RAD51AP1: variants seen among roughly 807,000 people sequenced by gnomAD.
RAD51AP1 encodes RAD51 associated protein 1, also known as RAD51-associated protein 1.
RAD51AP1 carries 14 observed loss-of-function variants against 34.3 expected under a neutral mutation model. The ratio of observed to expected loss-of-function variants is 0.41; its 90% CI spans 0.27 to 0.64. The LOEUF is 0.64. Among genes scored for constraint, RAD51AP1 ranks in the 30% least tolerant of loss-of-function variants. The pLI, the probability that RAD51AP1 is intolerant of heterozygous loss-of-function variation, is 0.33. For missense variants in RAD51AP1, 348 were observed against 386.9 expected (o/e 0.90, Z 0.84); for synonymous variants, 114 against 129.8 (o/e 0.88, Z 0.83).
intron 3 of RAD51AP1, 87 bp from the exon 4 acceptor site, chr12:4,546,222 A>G (rs1944505126): frequency 3.0e-6 from 3 of 991,106 alleles, no homozygotes; most frequent in Non-Finnish European, 4.6e-6. Context: ...CAACTCTTGA[A>G]TAGTAATTTG....
chr12:4,548,199 A>G (rs1944520751), intron 5 of RAD51AP1, 21 bp downstream of exon 5: 8 of 1,583,400 alleles, frequency 5.1e-6, no homozygotes, highest in Non-Finnish European at 6.8e-6. Flanking sequence ...TATATTAATA[A>G]TTTTTCTCAT....
intron 1 of RAD51AP1, among the ~76,000 whole-genome samples, chr12:4,539,461 C>T (rs538640157): frequency 2.0e-5 from 3 of 152,244 alleles, no homozygotes; most frequent in Admixed American, 6.5e-5. Flanking sequence ...CAGTTGAGTG[C>T]CATGGAAGCC....
rs1383732312 is a variant in RAD51AP1, at chr12:4,553,072, A to G, written c.646A>G (p.Lys216Glu). The change falls in exon 7 of 9, where the codon AAA (lysine) becomes GAA (glutamate). Residue 216 changes from lysine (K) to glutamate (E), a missense_variant. Transcript: ENST00000352618. ...GAGAAAAAGTAAAGTTAAAGAAATT[A>G]AAAAGAAAGAAGTGAAGGTAAAATC... is the stretch of plus-strand genomic sequence containing the variant. Reference protein sequence around the residue: ...SMRKSKVKEIKKKEVKVKSPV... With the variant: ...SMRKSKVKEIEKKEVKVKSPV... The G allele has an allele frequency of 3.7e-5, 59 of 1,606,676 alleles. No homozygotes were observed. Among genetic ancestry groups the G allele is most frequent in the Non-Finnish European group, 4.9e-5 (58 of 1,176,882 alleles).
Position 4,543,912 on chromosome 12 carries a change from G to T in RAD51AP1, c.209+8G>T. 1 of 1,599,152 alleles carries T rather than the reference G, an allele frequency of 6.3e-7. No individual in the cohort carries two copies. On this transcript the variant is annotated splice_region_variant and intron_variant, in intron 3 of 8. Transcript: ENST00000352618. The stretch of plus-strand genomic sequence containing the variant: ...GAAAACCCCTAAAAAAAGGTGAGAG[G>T]TAAGACATGCAGTAAATATATGACA...
chr12:4,542,050 T>C (rs978763953), intron 2 of RAD51AP1, 117 bp downstream of exon 2: 5 of 497,622 alleles, frequency 1.0e-5, no homozygotes, highest in Non-Finnish European at 1.8e-5. Flanking sequence ...GAGGTAGGTC[T>C]GGAAAGATAG....
chr12:4,546,735 C>T (rs1346797622), intron 4 of RAD51AP1, among the ~76,000 whole-genome samples: 1 of 152,180 alleles, frequency 6.6e-6, no homozygotes, highest in Non-Finnish European at 1.5e-5. Context: ...ACAGTCCTAA[C>T]AATCCATCTC....
chr12:4,556,861 C>A (rs1408479763), intron 8 of RAD51AP1, among the ~76,000 whole-genome samples: 3 of 152,172 alleles, frequency 2.0e-5, no homozygotes, highest in African/African-American at 7.2e-5. Context: ...GGCAGCAAAT[C>A]TTTTGCTCAG....
At position 4,556,360 on chromosome 12, in the gene RAD51AP1, G is replaced by T; in HGVS notation, c.729G>T (p.Ser243=). ...SKSKCNALVT[S]VDSAPAAVKS... ...GTATATTTTTCAAATAAGTGACTTC[G>T]GTGGACTCTGCTCCAGCTGCCGTCA... Residue 243 remains serine, a synonymous_variant, in exon 8 of 9, where the codon TCG becomes TCT. Coordinates refer to ENST00000352618, the MANE Select transcript of RAD51AP1 (RefSeq NM_006479.5). 1 of 1,611,922 alleles carries T rather than the reference G, an allele frequency of 6.2e-7. No homozygotes were observed. The highest frequency in any genetic ancestry group is 8.5e-7 in the Non-Finnish European group (1 of 1,178,964).
At position 4,553,043 on chromosome 12, in the gene RAD51AP1, CTA is replaced by C; in HGVS notation, c.619_620del (p.Met207GlufsTer4). ...AGTGAGGATAATGACGAAGACTTCT[CTA>C]TGAGAAAAAGTAAAGTTAAAGAAAT... On this transcript the variant is annotated frameshift_variant, in exon 7 of 9. Transcript: ENST00000352618. LOFTEE classifies it high-confidence loss of function. 6.2e-7 allele frequency: 1 copy of C among 1,605,238 alleles called. No homozygotes were observed. The highest frequency in any genetic ancestry group is 8.5e-7 in the Non-Finnish European group (1 of 1,176,694).
intron 8 of RAD51AP1, 55 bp downstream of exon 8, chr12:4,556,557 T>C (rs1944584718): frequency 6.3e-7 from 1 of 1,579,682 alleles, no homozygotes; most frequent in Non-Finnish European, 8.6e-7. Flanking sequence ...ACTGGTAAAT[T>C]TTTTTCCTAG....
At position 4,559,122 on chromosome 12, in the gene RAD51AP1, C is replaced by T; in HGVS notation, c.*129C>T. On this transcript the variant is annotated 3_prime_UTR_variant, in exon 9 of 9. Coordinates refer to ENST00000352618, the MANE Select transcript of RAD51AP1 (RefSeq NM_006479.5). ...ATCCATTACCATGTCCTATAAATGACCTCTAGCCATTTTATGATTATGTTC... is the reference window on the plus strand; with the variant it reads ...ATCCATTACCATGTCCTATAAATGATCTCTAGCCATTTTATGATTATGTTC... 1 of 1,128,562 alleles carries T rather than the reference C, an allele frequency of 8.9e-7. No individual in the cohort carries two copies. Among genetic ancestry groups the T allele is most frequent in the Non-Finnish European group, 1.2e-6 (1 of 803,572 alleles). 69.9% of individuals were successfully genotyped at this position (1,128,562 alleles called of 1,614,324 possible).
intron 8 of RAD51AP1, among the ~76,000 whole-genome samples, chr12:4,557,260 C>G (rs1302384874): frequency 2.6e-5 from 4 of 152,174 alleles, no homozygotes; most frequent in Admixed American, 6.5e-5. Context: ...TGTGTCCCCT[C>G]TCCTTGCCTG....
At chr12:4,558,499 T>A (rs1944598263) in intron 8 of RAD51AP1, among the ~76,000 whole-genome samples, 1 of 152,214 alleles carries the variant, frequency 6.6e-6, no homozygotes, top group African/African-American at 2.4e-5. Flanking sequence ...GGACTACTTG[T>A]AAAAATTGCA....
chr12:4,545,822 C>T (rs1944501918), intron 3 of RAD51AP1: 1 of 1,612,492 alleles, frequency 6.2e-7, no homozygotes, highest in African/African-American at 1.3e-5. Context: ...TAGTGCAGTG[C>T]CTTGTACAAA....
At chr12:4,557,560 T>C (rs1944591136) in intron 8 of RAD51AP1, among the ~76,000 whole-genome samples, 2 of 152,042 alleles carry the variant, frequency 1.3e-5, no homozygotes, top group Non-Finnish European at 2.9e-5. Flanking sequence ...ATTCAAAGAG[T>C]AATACTTAGT....
At position 4,559,100 on chromosome 12, in the gene RAD51AP1, C is replaced by T. The variant is rs1195389108; in HGVS notation, c.*107C>T. The stretch of plus-strand genomic sequence containing the variant: ...GCAGGTATTGTAATATAAAGGAATC[C>T]ATTACCATGTCCTATAAATGACCTC... On this transcript the variant is annotated 3_prime_UTR_variant, in exon 9 of 9. Coordinates refer to ENST00000352618, the MANE Select transcript of RAD51AP1 (RefSeq NM_006479.5). 3 of 1,362,588 alleles carry T rather than the reference C, an allele frequency of 2.2e-6. No homozygotes were observed. Among genetic ancestry groups the T allele is most frequent in the Non-Finnish European group, 3.0e-6 (3 of 996,254 alleles). The allele number at this position is 1,362,588 out of a possible 1,614,324, so 84.4% of individuals were successfully genotyped here.
chr12:4,557,167 A>C (rs1944588532), intron 8 of RAD51AP1, among the ~76,000 whole-genome samples: 1 of 152,096 alleles, frequency 6.6e-6, no homozygotes, highest in African/African-American at 2.4e-5. Flanking sequence ...AAATTGAAAC[A>C]CTTTTTGTCT....
intron 5 of RAD51AP1, among the ~76,000 whole-genome samples, 182 bp downstream of exon 5, chr12:4,548,360 C>T (rs974122617): frequency 6.6e-6 from 1 of 152,132 alleles, no homozygotes; most frequent in African/African-American, 2.4e-5. Flanking sequence ...CACATTCTTC[C>T]CTGAAGGGTC....
intron 4 of RAD51AP1, among the ~76,000 whole-genome samples, chr12:4,547,636 A>T (rs1190966881): frequency 6.6e-6 from 1 of 152,210 alleles, no homozygotes; most frequent in Admixed American, 6.5e-5. Context: ...GCTTTGGGTC[A>T]TTTTAAGGTT....
Sources: gnomAD v4.1 joint callset for allele counts (sites outside exome capture counted in the v4.1 genomes callset) on GRCh38, gnomAD v4.1.1 for gene constraint, MANE v1.5 for transcripts, NCBI Gene and HGNC (gene_info 2026-07-23, HGNC 2026-07-21) for gene names.